ARHGEF18: variants seen among roughly 807,000 people sequenced by gnomAD.
ARHGEF18 encodes the protein rho guanine nucleotide exchange factor 18.
A neutral mutation model predicts 155.7 loss-of-function variants in ARHGEF18; 93 were observed. The ratio of observed to expected loss-of-function variants is 0.60; its 90% CI spans 0.50 to 0.71. The LOEUF (loss-of-function observed/expected upper bound fraction) is 0.71, where lower values mean the gene tolerates loss of function less well. Among genes scored for constraint, ARHGEF18 ranks in the 30% least tolerant of loss-of-function variants. The pLI is 0.00. For synonymous variants in ARHGEF18, 742 were observed against 753.1 expected (o/e 0.99, Z 0.24); for missense variants, 1,593 against 1,816.1 (o/e 0.88, Z 2.23).
intron 10 of ARHGEF18, among the ~76,000 whole-genome samples, chr19:7,429,142 G>C: frequency 6.7e-6 from 1 of 149,694 alleles, no homozygotes; most frequent in East Asian, 2.0e-4. Flanking sequence ...CCCTGGTATG[G>C]CATGTCAGCG....
rs989831390 is a variant in ARHGEF18 at position 7,462,088 on chromosome 19, G to A, written c.2453-64G>A. The A allele has an allele frequency of 1.6e-5, 26 of 1,605,454 alleles. No homozygotes were observed. Among genetic ancestry groups the A allele is most frequent in the East Asian group, 1.3e-4 (6 of 44,868 alleles). On this transcript the variant is annotated intron_variant, in intron 20 of 28. Transcript: ENST00000668164. The surrounding 1 kb of genome is among the most constrained non-coding windows in gnomAD (Gnocchi z 4.4). ...GTTCCTCATCCTTAGGCCAGTCCCC[G>A]GGGCTCAGATGATTCCAGGGAAGGC...
chr19:7,435,957 C>T (rs1330204164), intron 10 of ARHGEF18, among the ~76,000 whole-genome samples: 1 of 152,060 alleles, frequency 6.6e-6, no homozygotes, highest in Non-Finnish European at 1.5e-5. Flanking sequence ...CCTCAGCCTC[C>T]CAGGTAGCTG....
intron 23 of ARHGEF18, 36 bp from the exon 24 acceptor site, chr19:7,466,882 G>T (rs1191769541): frequency 1.9e-6 from 3 of 1,607,888 alleles, no homozygotes; most frequent in Non-Finnish European, 2.6e-6. Context: ...TGGGTCTTGA[G>T]CCACTCTCTC....
intron 10 of ARHGEF18, among the ~76,000 whole-genome samples, chr19:7,385,866 TCTCTCC>T (rs1568285768): frequency 5.0e-4 from 41 of 82,136 alleles, no homozygotes; most frequent in South Asian, 4.2e-3. Context: ...TCTCTCTCTC[TCTCTCC>T]CCCCTCCCTC....
chr19:7,375,842 G>A lies in ARHGEF18; in HGVS notation c.398G>A (p.Gly133Asp), dbSNP rs1208561161. Residue 133 changes from glycine (G) to aspartate (D), a missense_variant, in exon 4 of 29, where the codon GGC becomes GAC. Transcript: ENST00000668164. ...TGGACTCAAGGGTGTCTCTCTGGGG[G>A]CGGGACCCCCGCAGAGAGCCCAGGC... is the stretch of plus-strand genomic sequence containing the variant. ...KTWTQGCLSG[G>D]GTPAESPGKE... 8.1e-7 allele frequency: 1 copy of A among 1,234,362 alleles called. No homozygotes were observed. Among genetic ancestry groups the A allele is most frequent in the Non-Finnish European group, 1.0e-6 (1 of 988,274 alleles). 76.5% of individuals were successfully genotyped at this position (1,234,362 alleles called of 1,614,324 possible).
At chr19:7,417,072 C>A (rs1050800201) in intron 10 of ARHGEF18, among the ~76,000 whole-genome samples, 1 of 151,956 alleles carries the variant, frequency 6.6e-6, no homozygotes, top group Non-Finnish European at 1.5e-5. Context: ...ACCACACCTG[C>A]GTAATTTTTG....
In ARHGEF18 at chr19:7,380,999, G is replaced by A; in HGVS notation, c.722+5G>A. The stretch of plus-strand genomic sequence containing the variant: ...CTGGTTTGAATTCCTGTCGGAGTAA[G>A]TACACAGATCTGCTTCTGGGGAGGG... On this transcript the variant is annotated splice_donor_5th_base_variant and intron_variant, in intron 8 of 28. Transcript: ENST00000668164. 3 of 1,232,218 alleles carry A rather than the reference G, an allele frequency of 2.4e-6. No homozygotes were observed. The highest frequency in any genetic ancestry group is 2.0e-6 in the Non-Finnish European group (2 of 988,004). 76.3% of individuals were successfully genotyped at this position (1,232,218 alleles called of 1,614,324 possible). A position where few individuals can be genotyped will look rare whatever the true frequency, so the allele number is the denominator to read the frequency against.
chr19:7,469,671 C>T (rs1465435804), intron 27 of ARHGEF18, among the ~76,000 whole-genome samples: 1 of 152,172 alleles, frequency 6.6e-6, no homozygotes, highest in South Asian at 2.1e-4. Context: ...CCACAGGAGG[C>T]TCAGCCTCCT....
At chr19:7,419,274 CCCACACTCGGCCCCCGCACCTGGGTGT>C (rs748864384) in intron 10 of ARHGEF18, among the ~76,000 whole-genome samples, 11,661 of 138,312 alleles carry the variant, frequency 0.084, 1,481 homozygotes, top group African/African-American at 0.26. Flanking sequence ...CCCAGGTGTG[CCCACACTCGGCCCCCGCACCTGGGTGT>C]GCCCACACTT....
At chr19:7,466,324 A>T (rs1976600567) in intron 23 of ARHGEF18, among the ~76,000 whole-genome samples, 1 of 149,174 alleles carries the variant, frequency 6.7e-6, no homozygotes, top group Non-Finnish European at 1.5e-5. Context: ...TGGTGGTTTC[A>T]GTGAGCTGAG....
chr19:7,450,482 C>T (rs1176967338), intron 15 of ARHGEF18, among the ~76,000 whole-genome samples: 6 of 636 alleles, frequency 9.4e-3, no homozygotes, highest in South Asian at 0.033. Context: ...TTTCCGTTTC[C>T]GTTTCCGAGA....
At chr19:7,467,799 G>A in intron 26 of ARHGEF18, 115 bp downstream of exon 26, 1 of 1,060,612 alleles carries the variant, frequency 9.4e-7, no homozygotes, top group Non-Finnish European at 1.3e-6. Flanking sequence ...GAGTGTAAGA[G>A]CAAACGGCAC....
In ARHGEF18 at chr19:7,436,253, A is replaced by T. The variant is rs141296917; in HGVS notation, c.968-4091A>T. On this transcript the variant is annotated intron_variant, in intron 10 of 28. Transcript: ENST00000668164. ...GATTTTGGGAATTGGCATTGCTTAC[A>T]TGCTGTTTTTTTTGTTTGGTTTTTT... 2.6e-3 allele frequency among the ~76,000 whole-genome samples: 330 copies of T among 127,768 alleles called. 1 individual carries two copies. Among genetic ancestry groups the T allele is most frequent in the African/African-American group, 8.4e-3 (293 of 34,736 alleles). The allele number at this position is 127,768 out of a possible 152,430, so 83.8% of individuals were successfully genotyped here. A position where few individuals can be genotyped will look rare whatever the true frequency, so the allele number is the denominator to read the frequency against.
chr19:7,401,774 A>T (rs1972028689), intron 10 of ARHGEF18, among the ~76,000 whole-genome samples: 1 of 152,238 alleles, frequency 6.6e-6, no homozygotes, highest in Non-Finnish European at 1.5e-5. Flanking sequence ...AAACACTTGC[A>T]GAGGAATGTT....
At chr19:7,452,356 G>A (rs1485702604) in intron 16 of ARHGEF18, among the ~76,000 whole-genome samples, 1 of 152,232 alleles carries the variant, frequency 6.6e-6, no homozygotes, top group Non-Finnish European at 1.5e-5. Flanking sequence ...ACTGAATTCA[G>A]GCCGTGAGAG....
At chr19:7,422,444 C>G (rs1038044913) in intron 10 of ARHGEF18, among the ~76,000 whole-genome samples, 2 of 151,838 alleles carry the variant, frequency 1.3e-5, no homozygotes, top group African/African-American at 4.8e-5. Context: ...CCCTTGCCCA[C>G]TGTCCTATCC....
chr19:7,415,364 C>T (rs534822774), intron 10 of ARHGEF18, among the ~76,000 whole-genome samples: 252 of 152,184 alleles, frequency 1.7e-3, no homozygotes, highest in African/African-American at 5.8e-3. Flanking sequence ...CTTCATGGCC[C>T]CTGCACCGCC....
intron 10 of ARHGEF18, among the ~76,000 whole-genome samples, chr19:7,398,609 T>G (rs557123278): frequency 6.6e-6 from 1 of 151,172 alleles, no homozygotes; most frequent in African/African-American, 2.4e-5. Flanking sequence ...GAGAATCGCT[T>G]GAACCCGCAA....
At chr19:7,422,122 C>G (rs936727356) in intron 10 of ARHGEF18, among the ~76,000 whole-genome samples, 11 of 152,138 alleles carry the variant, frequency 7.2e-5, no homozygotes, top group African/African-American at 2.7e-4. Context: ...TTCCCTGCCT[C>G]TGTCATCTCT....
Sources: gnomAD v4.1 joint callset for allele counts (sites outside exome capture counted in the v4.1 genomes callset) on GRCh38, gnomAD v4.1.1 for gene constraint, Gnocchi (gnomAD v3.1) non-coding constraint, MANE v1.5 for transcripts, NCBI Gene and HGNC (gene_info 2026-07-23, HGNC 2026-07-21) for gene names.